Variants in CHCHD6 observed in about 807,000 individuals in gnomAD.
CHCHD6 encodes the protein coiled-coil-helix-coiled-coil-helix domain containing 6, also known as MICOS complex subunit MIC25.
A neutral mutation model predicts 32.3 loss-of-function variants in CHCHD6; 28 were observed. That is an observed-to-expected ratio of 0.87 (90% CI 0.64 to 1.19). CHCHD6 has a LOEUF of 1.19. Among genes scored for constraint, CHCHD6 ranks in the 50% most tolerant of loss-of-function variants. The probability of loss-of-function intolerance (pLI) is 0.00; values close to 1 mark genes in which losing one functional copy is unlikely to be tolerated. For synonymous variants in CHCHD6, 122 were observed against 117.5 expected (o/e 1.04, Z -0.25); for missense variants, 333 against 307.0 (o/e 1.08, Z -0.63).
intron 4 of CHCHD6, among the ~76,000 whole-genome samples, chr3:126,781,762 A>G (rs1309177087): frequency 6.6e-6 from 1 of 152,192 alleles, no homozygotes; most frequent in East Asian, 1.9e-4. Flanking sequence ...CATTCTTGCC[A>G]TTCCCTCCTT....
At chr3:126,848,500 A>T (rs978204223) in intron 4 of CHCHD6, among the ~76,000 whole-genome samples, 2 of 152,240 alleles carry the variant, frequency 1.3e-5, no homozygotes, top group Admixed American at 1.3e-4. Context: ...GGAGATTGTA[A>T]TGCTAGCTGG....
chr3:126,812,103 GT>G (rs61450073), intron 4 of CHCHD6, among the ~76,000 whole-genome samples: 6,302 of 142,482 alleles, frequency 0.044, 144 homozygotes, highest in Non-Finnish European at 0.057. Flanking sequence ...ATCTGTGCAG[GT>G]TTTTTTTTTT....
chr3:126,854,950 T>C (rs905176209), intron 5 of CHCHD6: 1 of 152,028 alleles, frequency 6.6e-6, no homozygotes, highest in Admixed American at 6.5e-5. Context: ...GACTGGCAGG[T>C]AAGGAAAGCC....
intron 5 of CHCHD6, among the ~76,000 whole-genome samples, chr3:126,913,673 C>G (rs2078128563): frequency 6.6e-6 from 1 of 152,236 alleles, no homozygotes; most frequent in Admixed American, 6.5e-5. Context: ...CATGAGTCAG[C>G]CCAAGGCTGG....
In CHCHD6 at chr3:126,908,554, G is replaced by A. The variant is rs79607090; in HGVS notation, c.496-6126G>A. Among the ~76,000 whole-genome samples the A allele has an allele frequency of 5.7e-3, 875 of 152,284 alleles. 10 individuals carry two copies. Among genetic ancestry groups the A allele is most frequent in the African/African-American group, 0.02 (840 of 41,532 alleles). ...TTCCATTTACTCAACTTTACATTGA[G>A]GGCCTGCTCTCTGCCAGGCACTGTT... is the stretch of plus-strand genomic sequence containing the variant. On this transcript the variant is annotated intron_variant, in intron 5 of 7. Transcript: ENST00000290913.
At chr3:126,748,546 G>A (rs2107666749) in intron 4 of CHCHD6, among the ~76,000 whole-genome samples, 1 of 147,580 alleles carries the variant, frequency 6.8e-6, no homozygotes, top group African/African-American at 2.5e-5. Context: ...GGTGAGCCGA[G>A]ATTGTGCCAC....
chr3:126,832,851 G>A (rs906931635), intron 4 of CHCHD6, among the ~76,000 whole-genome samples: 1 of 152,208 alleles, frequency 6.6e-6, no homozygotes, highest in African/African-American at 2.4e-5. Context: ...TTCAGAAGGA[G>A]AAGGGACCAC....
chr3:126,780,146 C>A (rs1362278209), intron 4 of CHCHD6, among the ~76,000 whole-genome samples: 2 of 152,190 alleles, frequency 1.3e-5, no homozygotes, highest in Non-Finnish European at 2.9e-5. Flanking sequence ...CTAATCATCC[C>A]TTTTAATGGA....
chr3:126,778,921 A>G (rs1937783627), intron 4 of CHCHD6, among the ~76,000 whole-genome samples: 1 of 148,716 alleles, frequency 6.7e-6, no homozygotes, highest in Non-Finnish European at 1.5e-5. Flanking sequence ...CGCCTGGCTC[A>G]TTAAATTTTT....
At position 126,727,204 on chromosome 3, in the gene CHCHD6, G is replaced by C; in HGVS notation, c.196+18G>C. On this transcript the variant is annotated intron_variant, in intron 2 of 7. Transcript: ENST00000290913. The stretch of plus-strand genomic sequence containing the variant: ...TCACAAAGGTATGGGGATTGTGACA[G>C]TTCTGTGGAGTGTGGAGAGACAGTG... The C allele has an allele frequency of 6.5e-7, 1 of 1,535,612 alleles. No individual in the cohort carries two copies. The highest frequency in any genetic ancestry group is 9.0e-7 in the Non-Finnish European group (1 of 1,108,894).
At chr3:126,831,688 T>A (rs1354073734) in intron 4 of CHCHD6, among the ~76,000 whole-genome samples, 1 of 152,206 alleles carries the variant, frequency 6.6e-6, no homozygotes, top group African/African-American at 2.4e-5. Flanking sequence ...GGAAACAGGC[T>A]CATACTCAAT....
intron 6 of CHCHD6, among the ~76,000 whole-genome samples, chr3:126,918,484 A>G (rs1290197674): frequency 6.6e-6 from 1 of 152,240 alleles, no homozygotes; most frequent in East Asian, 1.9e-4. Context: ...ATGACAAACA[A>G]TGTTTTAAAA....
intron 1 of CHCHD6, among the ~76,000 whole-genome samples, chr3:126,706,514 C>G (rs1934496866): frequency 1.3e-5 from 2 of 152,174 alleles, no homozygotes. Context: ...TAGTGCCCCA[C>G]TTAGTTTTAA....
At chr3:126,840,787 T>G (rs1273927961) in intron 4 of CHCHD6, among the ~76,000 whole-genome samples, 1 of 152,162 alleles carries the variant, frequency 6.6e-6, no homozygotes, top group Non-Finnish European at 1.5e-5. Flanking sequence ...CTTATTTAAC[T>G]TCACTGCAAC....
intron 4 of CHCHD6, among the ~76,000 whole-genome samples, chr3:126,848,429 G>A (rs1451497788): frequency 1.3e-5 from 2 of 152,080 alleles, no homozygotes; most frequent in Admixed American, 6.6e-5. Context: ...TAAATCAGAA[G>A]TTACTTCGTT....
At chr3:126,737,071 A>G (rs886411315) in intron 4 of CHCHD6, among the ~76,000 whole-genome samples, 4 of 152,268 alleles carry the variant, frequency 2.6e-5, no homozygotes, top group Admixed American at 2.6e-4. Context: ...CTGTAATACC[A>G]GCACTTTGGG....
chr3:126,719,389 C>G (rs1056370329), intron 1 of CHCHD6, among the ~76,000 whole-genome samples: 2 of 152,222 alleles, frequency 1.3e-5, no homozygotes, highest in African/African-American at 4.8e-5. Flanking sequence ...TTCTTGCCCC[C>G]CCTGCCCTGC....
intron 4 of CHCHD6, among the ~76,000 whole-genome samples, chr3:126,812,510 G>A (rs1939705708): frequency 6.6e-6 from 1 of 151,514 alleles, no homozygotes; most frequent in Non-Finnish European, 1.5e-5. Flanking sequence ...TGCAACCTCC[G>A]CCTCCTGGGT....
At chr3:126,804,294 A>G (rs908324006) in intron 4 of CHCHD6, among the ~76,000 whole-genome samples, 9 of 152,182 alleles carry the variant, frequency 5.9e-5, no homozygotes, top group Admixed American at 3.3e-4. Flanking sequence ...TGAAAGGATC[A>G]ACAAAATTGA....
Sources: allele counts gnomAD v4.1 joint callset (sites outside exome capture counted in the v4.1 genomes callset), GRCh38; gene constraint gnomAD v4.1.1; transcripts MANE v1.5; gene names NCBI Gene and HGNC (gene_info 2026-07-23, HGNC 2026-07-21).